Variants in PARVB observed in about 807,000 individuals in gnomAD.
PARVB encodes parvin beta.
PARVB carries 46 observed loss-of-function variants against 47.0 expected under a neutral mutation model. The ratio of observed to expected loss-of-function variants is 0.98; its 90% CI spans 0.77 to 1.25. The LOEUF is 1.25. Among genes scored for constraint, PARVB ranks in the 50% most tolerant of loss-of-function variants. The probability of loss-of-function intolerance (pLI) is 0.00; values close to 1 mark genes in which losing one functional copy is unlikely to be tolerated. For synonymous variants in PARVB, 196 were observed against 196.3 expected (o/e 1.00, Z 0.01); for missense variants, 473 against 471.6 (o/e 1.00, Z -0.03).
In PARVB at chr22:44,131,123, T is replaced by TTTTC. The variant is rs918196614; in HGVS notation, c.377-354_377-351dup. Among the ~76,000 whole-genome samples the TTTTC allele has an allele frequency of 6.3e-5, 6 of 94,906 alleles. No homozygotes were observed. The Admixed American group carries it at 7.9e-4, about 12-fold the overall frequency. 62.3% of individuals were successfully genotyped at this position (94,906 alleles called of 152,430 possible). A position where few individuals can be genotyped will look rare whatever the true frequency, so the allele number is the denominator to read the frequency against. ...CTCTCTCCTTCCTTCCTTCCTTCCTTTTTCTTTCTTTCTCTCTCTCTCTCT... is the reference window on the plus strand; with the variant it reads ...CTCTCTCCTTCCTTCCTTCCTTCCTTTTTCTTTCTTTCTTTCTCTCTCTCTCTCT... On this transcript the variant is annotated intron_variant, in intron 4 of 12. Coordinates refer to ENST00000338758, the MANE Select transcript of PARVB (RefSeq NM_013327.5).
intron 3 of PARVB, chr22:44,112,206 G>A (rs1187361669): frequency 1.3e-5 from 2 of 152,386 alleles, no homozygotes; most frequent in South Asian, 2.1e-4. Flanking sequence ...GTTCCCGGGG[G>A]GTGGCGCATA....
At position 44,041,563 on chromosome 22, in the gene PARVB, G is replaced by A. The variant is rs186782508; in HGVS notation, c.112+17112G>A. On this transcript the variant is annotated intron_variant, in intron 1 of 12. Transcript: ENST00000338758. ...AAACTTTTAATAATGAAATACTGGG[G>A]GGAAATGACTGGGCCTGATACATAA... Among the ~76,000 whole-genome samples, 197 of 152,050 alleles carry A rather than the reference G, an allele frequency of 1.3e-3. 4 individuals are homozygous for A. Among genetic ancestry groups the A allele is most frequent in the African/African-American group, 4.3e-3 (177 of 41,454 alleles).
At chr22:44,132,614 G>A (rs778440512) in intron 5 of PARVB, among the ~76,000 whole-genome samples, 4 of 152,088 alleles carry the variant, frequency 2.6e-5, no homozygotes, top group Non-Finnish European at 5.9e-5. Flanking sequence ...TTACTATCCT[G>A]TTCCTTTCCC....
At chr22:44,050,343 C>T (rs1482827771) in intron 1 of PARVB, among the ~76,000 whole-genome samples, 4 of 149,678 alleles carry the variant, frequency 2.7e-5, no homozygotes, top group Non-Finnish European at 4.4e-5. Context: ...TGACCCCTTT[C>T]GGCCTTTTTT....
At chr22:44,163,813 A>C in intron 11 of PARVB, 45 bp from the exon 12 acceptor site, 2 of 1,498,758 alleles carry the variant, frequency 1.3e-6, no homozygotes, top group Non-Finnish European at 1.8e-6. Flanking sequence ...GTGTGTGGGA[A>C]CGACTGTTGG....
At chr22:44,078,807 C>T (rs1017044163) in intron 1 of PARVB, among the ~76,000 whole-genome samples, 2 of 152,192 alleles carry the variant, frequency 1.3e-5, no homozygotes, top group African/African-American at 4.8e-5. Flanking sequence ...TCACTGCAGC[C>T]TCTGACTCCT....
chr22:44,101,277 C>T (rs1344230112), intron 3 of PARVB, among the ~76,000 whole-genome samples: 3 of 151,818 alleles, frequency 2.0e-5, no homozygotes, highest in South Asian at 2.1e-4. Context: ...GGCGAGGTGG[C>T]GGGCACCTGT....
At chr22:44,063,462 G>A (rs1182707651) in intron 1 of PARVB, among the ~76,000 whole-genome samples, 1 of 152,084 alleles carries the variant, frequency 6.6e-6, no homozygotes, top group Non-Finnish European at 1.5e-5. Context: ...CCTGACCTCA[G>A]GTGATCCACC....
chr22:44,005,533 T>C (rs898040021), intron 2 of PARVB, among the ~76,000 whole-genome samples: 3 of 151,934 alleles, frequency 2.0e-5, no homozygotes. Flanking sequence ...TAGGCTGGAG[T>C]GCAGTGGTGC....
intron 4 of PARVB, among the ~76,000 whole-genome samples, chr22:44,124,255 A>G (rs1294367529): frequency 1.3e-5 from 2 of 152,178 alleles, no homozygotes; most frequent in Non-Finnish European, 2.9e-5. Flanking sequence ...GTTCTCATAG[A>G]GCCCTGATAT....
intron 10 of PARVB, among the ~76,000 whole-genome samples, chr22:44,156,320 C>T (rs1166485774): frequency 7.1e-6 from 1 of 140,752 alleles, no homozygotes; most frequent in Admixed American, 7.4e-5. Flanking sequence ...ACTCCTGTTA[C>T]CCAGGCCGGA....
At chr22:44,142,977 C>T (rs898646556) in intron 8 of PARVB, 7 of 152,334 alleles carry the variant, frequency 4.6e-5, no homozygotes, top group African/African-American at 7.2e-5. Context: ...GCCTTGTCTT[C>T]GCTTCCCTGC....
At chr22:44,063,723 C>T (rs1169705389) in intron 1 of PARVB, among the ~76,000 whole-genome samples, 1 of 152,052 alleles carries the variant, frequency 6.6e-6, no homozygotes, top group Non-Finnish European at 1.5e-5. Context: ...CTGCTCGGTG[C>T]TGGGGGTCCA....
At chr22:44,051,504 G>T (rs1395689341) in intron 1 of PARVB, among the ~76,000 whole-genome samples, 1 of 152,184 alleles carries the variant, frequency 6.6e-6, no homozygotes, top group Non-Finnish European at 1.5e-5. Flanking sequence ...TGTGCTGGTG[G>T]CCTGCTTAGC....
At chr22:44,058,179 T>A (rs958541107) in intron 1 of PARVB, among the ~76,000 whole-genome samples, 1 of 152,190 alleles carries the variant, frequency 6.6e-6, no homozygotes, top group Admixed American at 6.5e-5. Context: ...GTTTATTCTC[T>A]CCCAGCTCTG....
chr22:44,018,119 C>T (rs753143255), intron 2 of PARVB, among the ~76,000 whole-genome samples: 2 of 151,908 alleles, frequency 1.3e-5, no homozygotes, highest in Non-Finnish European at 2.9e-5. Flanking sequence ...AACCACATCT[C>T]GGCCAGGCAC....
At chr22:44,024,290 C>CT (rs1313280250), upstream of PARVB, 5 of 973,272 alleles carry the variant, frequency 5.1e-6, no homozygotes. Context: ...CCCGGGGCGA[C>CT]CGGGCGGCTC....
chr22:44,092,950 G>A (rs944801824), intron 1 of PARVB, among the ~76,000 whole-genome samples: 1 of 152,242 alleles, frequency 6.6e-6, no homozygotes, highest in African/African-American at 2.4e-5. Context: ...GGAGAAAGAG[G>A]TACAGCTCCG....
chr22:44,127,785 C>CTT (rs5845634), intron 4 of PARVB, among the ~76,000 whole-genome samples: 41 of 71,076 alleles, frequency 5.8e-4, no homozygotes, highest in Non-Finnish European at 8.4e-4. Context: ...AGTCCCTCTT[C>CTT]TTTTTTTTTT....
Sources: allele counts gnomAD v4.1 joint callset (sites outside exome capture counted in the v4.1 genomes callset), GRCh38; gene constraint gnomAD v4.1.1; transcripts MANE v1.5; gene names NCBI Gene and HGNC (gene_info 2026-07-23, HGNC 2026-07-21).